The following WDR33 variants were observed in gnomAD, a reference collection of about 807,000 sequenced individuals.
WDR33 encodes pre-mRNA 3' end processing protein WDR33.
Under a neutral mutation model 164.9 loss-of-function variants are expected in WDR33, and 47 were observed. The ratio of observed to expected loss-of-function variants is 0.29; its 90% CI spans 0.23 to 0.36. WDR33 has a LOEUF of 0.36. Among genes scored for constraint, WDR33 ranks in the 10% least tolerant of loss-of-function variants. WDR33 has a pLI of 1.00. For missense variants in WDR33, 1,137 were observed against 1,754.1 expected, an observed-to-expected ratio of 0.65 and a Z score of 6.28; for synonymous variants, 505 against 589.0, an observed-to-expected ratio of 0.86 and a Z score of 2.06.
At position 127,706,559 on chromosome 2, in the gene WDR33, CAAAG is replaced by C. The variant is rs771656881; in HGVS notation, c.3782-11_3782-8del. The C allele has an allele frequency of 3.8e-6, 6 of 1,585,116 alleles. No individual in the cohort carries two copies. The highest frequency in any genetic ancestry group is 1.4e-5 in the African/African-American group (1 of 73,036). On this transcript the variant is annotated splice_region_variant and splice_polypyrimidine_tract_variant and intron_variant, in intron 21 of 21. Transcript: ENST00000322313. The surrounding 1 kb of genome is among the most constrained non-coding windows in gnomAD (Gnocchi z 5.1). ...GGTCCTGGGCCCCCTCGGCCTGAAACAAAGAAAATTTCACATGGGACTTTTTGTA... is the reference window on the plus strand; with the variant it reads ...GGTCCTGGGCCCCCTCGGCCTGAAACAAAATTTCACATGGGACTTTTTGTA...
chr2:127,724,960 CCACA>C lies in WDR33; in HGVS notation c.1008_1011del (p.Val337ProfsTer26). 6.2e-7 allele frequency: 1 copy of C among 1,614,182 alleles called. No homozygotes were observed. ...AGTCCTTCATGAACAGGATGCCAGG[CCACA>C]GCTGCAGAACAAAAACATGGGAAAA... On this transcript the variant is annotated frameshift_variant and splice_region_variant, in exon 10 of 22. Coordinates refer to ENST00000322313, the MANE Select transcript of WDR33 (RefSeq NM_018383.5). LOFTEE classifies it high-confidence loss of function. The surrounding 1 kb of genome is among the most constrained non-coding windows in gnomAD (Gnocchi z 4.8).
intron 7 of WDR33, 108 bp downstream of exon 7, chr2:127,762,954 T>TA (rs1200951098): frequency 2.3e-5 from 36 of 1,544,088 alleles, no homozygotes; most frequent in Admixed American, 9.6e-5. Flanking sequence ...TGTGTATATG[T>TA]AAAAAAAATT....
intron 1 of WDR33, among the ~76,000 whole-genome samples, chr2:127,771,277 C>T (rs952921147): frequency 2.0e-5 from 3 of 152,182 alleles, no homozygotes; most frequent in Non-Finnish European, 4.4e-5. Context: ...GTAGGCTACA[C>T]GGTACAGCCT....
intron 7 of WDR33, among the ~76,000 whole-genome samples, chr2:127,730,759 C>T (rs1359655981): frequency 2.0e-5 from 3 of 152,032 alleles, no homozygotes; most frequent in East Asian, 1.9e-4. Flanking sequence ...AATGCAGATA[C>T]GGATAGGCAG....
chr2:127,728,000 G>A (rs183441493), intron 7 of WDR33, among the ~76,000 whole-genome samples: 5 of 152,298 alleles, frequency 3.3e-5, no homozygotes, highest in South Asian at 2.1e-4. Flanking sequence ...ACAATACCCC[G>A]TACTGGCAAG....
intron 1 of WDR33, among the ~76,000 whole-genome samples, chr2:127,784,914 T>C (rs1160481405): frequency 3.3e-5 from 5 of 152,218 alleles, no homozygotes; most frequent in Admixed American, 3.3e-4. Context: ...GTATTAATTA[T>C]TGGGAACCTC....
chr2:127,711,039 A>G (rs1166221724), intron 18 of WDR33, among the ~76,000 whole-genome samples: 1 of 152,214 alleles, frequency 6.6e-6, no homozygotes, highest in South Asian at 2.1e-4. Flanking sequence ...TCTAAGAACA[A>G]GAACTTTCTC....
rs879794241 is a variant in WDR33 at position 127,705,228 on chromosome 2, T to G, written c.*1095A>C. Reference sequence around the variant, plus strand: ...CTTCCATGTAAAACCAAAATAAAGGTCAGTATAGAAAGTATCATGGGGTAT... The same window carrying G: ...CTTCCATGTAAAACCAAAATAAAGGGCAGTATAGAAAGTATCATGGGGTAT... On this transcript the variant is annotated 3_prime_UTR_variant, in exon 22 of 22. Coordinates refer to ENST00000322313, the MANE Select transcript of WDR33 (RefSeq NM_018383.5). The surrounding 1 kb of genome is among the most constrained non-coding windows in gnomAD (Gnocchi z 4.5). The G allele has an allele frequency of 1.2e-5, 2 of 166,960 alleles. No individual in the cohort carries two copies. Among genetic ancestry groups the G allele is most frequent in the Non-Finnish European group, 2.9e-5 (2 of 68,110 alleles). 10.3% of individuals were successfully genotyped at this position (166,960 alleles called of 1,614,324 possible). A position where few individuals can be genotyped will look rare whatever the true frequency, so the allele number is the denominator to read the frequency against.
At position 127,709,961 on chromosome 2, in the gene WDR33, A is replaced by C; in HGVS notation, c.3309-105T>G. On this transcript the variant is annotated intron_variant, in intron 18 of 21. Transcript: ENST00000322313. This position sits in a 1 kb window ranked among gnomAD's most constrained non-coding sequence, Gnocchi z 5.0. The stretch of plus-strand genomic sequence containing the variant: ...TATGAGAAAGCATGATACAATGTTA[A>C]TTGGGAGGAAAACAAAATAAAACTA... 8 of 1,379,936 alleles carry C rather than the reference A, an allele frequency of 5.8e-6. No homozygotes were observed. Among genetic ancestry groups the C allele is most frequent in the Non-Finnish European group, 5.9e-6 (6 of 1,010,768 alleles). The allele number at this position is 1,379,936 out of a possible 1,614,324, so 85.5% of individuals were successfully genotyped here.
In WDR33 at chr2:127,787,446, G is replaced by A. The variant is rs1307029737; in HGVS notation, c.-23-16442C>T. Among the ~76,000 whole-genome samples, 22 of 134,618 alleles carry A rather than the reference G, an allele frequency of 1.6e-4. No individual in the cohort carries two copies. The East Asian group carries it at 3.9e-3, about 24-fold the overall frequency. The allele number at this position is 134,618 out of a possible 152,430, so 88.3% of individuals were successfully genotyped here. On this transcript the variant is annotated intron_variant, in intron 1 of 21. Coordinates refer to ENST00000322313, the MANE Select transcript of WDR33 (RefSeq NM_018383.5). ...CCAGTAGGGGTGGCCGGGCAGAGGCGCCCCTCACCTCCCGGACGGGGCAGC... is the reference window on the plus strand; with the variant it reads ...CCAGTAGGGGTGGCCGGGCAGAGGCACCCCTCACCTCCCGGACGGGGCAGC...
intron 1 of WDR33, among the ~76,000 whole-genome samples, chr2:127,800,817 T>C (rs1335335146): frequency 6.6e-6 from 1 of 152,194 alleles, no homozygotes; most frequent in Non-Finnish European, 1.5e-5. Context: ...ATTAAAGCTA[T>C]TTAAGACAGA....
chr2:127,785,161 CT>C, intron 1 of WDR33, among the ~76,000 whole-genome samples: 1 of 151,940 alleles, frequency 6.6e-6, no homozygotes, highest in Non-Finnish European at 1.5e-5. Flanking sequence ...TTTCTATGGT[CT>C]TTGTTATTTA....
At chr2:127,788,239 C>T (rs1481459467) in intron 1 of WDR33, among the ~76,000 whole-genome samples, 3 of 122,372 alleles carry the variant, frequency 2.5e-5, no homozygotes, top group Admixed American at 7.9e-5. Flanking sequence ...GCTGGCCAGG[C>T]AGGGGGCTGA....
rs1686582105 is a variant in WDR33 at position 127,726,818 on chromosome 2, T to A, written c.725-41A>T. 6.2e-7 allele frequency: 1 copy of A among 1,610,780 alleles called. No homozygotes were observed. Among genetic ancestry groups the A allele is most frequent in the African/African-American group, 1.3e-5 (1 of 74,892 alleles). ...TAGGATTAAAACCTAATTAGTTACA[T>A]GCATTTAAAGCAATTTAAACCAAAG... On this transcript the variant is annotated intron_variant, in intron 7 of 21. Transcript: ENST00000322313. This position sits in a 1 kb window ranked among gnomAD's most constrained non-coding sequence, Gnocchi z 4.8.
Position 127,717,222 on chromosome 2 carries a change from T to A in WDR33, c.2802A>T (p.Leu934=). ...STGPPPLIPG[L]GQQGAQGRIP... The stretch of plus-strand genomic sequence containing the variant: ...TGCGACCTTGTGCTCCCTGCTGCCC[T>A]AGGCCTGGTATCAGGGGTGGGGGGC... Residue 934 remains leucine (L), a synonymous_variant, in exon 17 of 22, where the codon CTA becomes CTT. Coordinates refer to ENST00000322313, the MANE Select transcript of WDR33 (RefSeq NM_018383.5). The surrounding 1 kb of genome is among the most constrained non-coding windows in gnomAD (Gnocchi z 5.6). 6.2e-7 allele frequency: 1 copy of A among 1,607,544 alleles called. No individual in the cohort carries two copies. Among genetic ancestry groups the A allele is most frequent in the Non-Finnish European group, 8.5e-7 (1 of 1,177,092 alleles).
At position 127,710,007 on chromosome 2, in the gene WDR33, T is replaced by C; in HGVS notation, c.3309-151A>G. 9.3e-7 allele frequency: 1 copy of C among 1,074,808 alleles called. No individual in the cohort carries two copies. Among genetic ancestry groups the C allele is most frequent in the Non-Finnish European group, 1.3e-6 (1 of 765,648 alleles). 66.6% of individuals were successfully genotyped at this position (1,074,808 alleles called of 1,614,324 possible). A position where few individuals can be genotyped will look rare whatever the true frequency, so the allele number is the denominator to read the frequency against. ...AACTATATATTTTTGAAAGGATACA[T>C]TATATAATCCTATTAATACTATCAG... On this transcript the variant is annotated intron_variant, in intron 18 of 21. Coordinates refer to ENST00000322313, the MANE Select transcript of WDR33 (RefSeq NM_018383.5). This position sits in a 1 kb window ranked among gnomAD's most constrained non-coding sequence, Gnocchi z 4.4.
At chr2:127,729,656 C>T (rs530521037) in intron 7 of WDR33, among the ~76,000 whole-genome samples, 2 of 152,190 alleles carry the variant, frequency 1.3e-5, no homozygotes, top group South Asian at 2.1e-4. Context: ...CCACCACGCC[C>T]GGCTAATTGT....
intron 1 of WDR33, among the ~76,000 whole-genome samples, chr2:127,774,249 A>T (rs1476492653): frequency 6.7e-6 from 1 of 149,510 alleles, no homozygotes; most frequent in Non-Finnish European, 1.5e-5. Flanking sequence ...ACAGGGTTTC[A>T]CCATGTTGGC....
In WDR33 at chr2:127,714,218, C is replaced by G. The variant is rs904735934; in HGVS notation, c.2870-197G>C. Among the ~76,000 whole-genome samples the G allele has an allele frequency of 6.6e-6, 1 of 152,200 alleles. No individual in the cohort carries two copies. The highest frequency in any genetic ancestry group is 1.5e-5 in the Non-Finnish European group (1 of 68,038). On this transcript the variant is annotated intron_variant, in intron 17 of 21. Transcript: ENST00000322313. This position sits in a 1 kb window ranked among gnomAD's most constrained non-coding sequence, Gnocchi z 4.3. ...AGGAGCTTTGGGGTGCAGATTTCAA[C>G]TTCATCACCCACTAGCTAGGGCAAA...
Sources: allele counts gnomAD v4.1 joint callset (sites outside exome capture counted in the v4.1 genomes callset), GRCh38; gene constraint gnomAD v4.1.1; non-coding constraint Gnocchi (gnomAD v3.1); transcripts MANE v1.5; gene names NCBI Gene and HGNC (gene_info 2026-07-23, HGNC 2026-07-21).